SYNRG: variants seen among roughly 807,000 people sequenced by gnomAD.
SYNRG encodes the protein synergin gamma.
In SYNRG, 37 loss-of-function variants were observed where a neutral mutation model predicts 130.9. That is an observed-to-expected ratio of 0.28 (90% CI 0.22 to 0.37). The LOEUF is 0.37. Among genes scored for constraint, SYNRG ranks in the 10% least tolerant of loss-of-function variants. The pLI is 1.00. For missense variants in SYNRG, 1,338 were observed against 1,588.9 expected (o/e 0.84, Z 2.68); for synonymous variants, 539 against 568.1 (o/e 0.95, Z 0.73).
At chr17:37,524,244 G>T (rs2055539490) in intron 19 of SYNRG, among the ~76,000 whole-genome samples, 1 of 152,164 alleles carries the variant, frequency 6.6e-6, no homozygotes, top group Admixed American at 6.5e-5. Context: ...CTGAACCACT[G>T]AGGAGTTTCC....
intron 19 of SYNRG, chr17:37,529,912 T>G (rs2056439650): frequency 3.4e-6 from 5 of 1,465,392 alleles, no homozygotes; most frequent in Non-Finnish European, 4.7e-6. Flanking sequence ...TTTTCAAGTG[T>G]TAACTGCAGT....
intron 14 of SYNRG, among the ~76,000 whole-genome samples, chr17:37,549,745 C>T (rs761931564): frequency 9.9e-5 from 15 of 152,084 alleles, no homozygotes; most frequent in Non-Finnish European, 1.9e-4. Context: ...AGCCCACCAC[C>T]GTGCCCGGCT....
chr17:37,568,593 CAGTA>C, intron 11 of SYNRG, 194 bp downstream of exon 11: 1 of 515,228 alleles, frequency 1.9e-6, no homozygotes, highest in Non-Finnish European at 3.3e-6. Context: ...TTACAGGAAA[CAGTA>C]GGAGCTGAAG....
At chr17:37,600,273 C>T in intron 2 of SYNRG, 90 bp downstream of exon 2, 1 of 1,214,684 alleles carries the variant, frequency 8.2e-7, no homozygotes, top group Non-Finnish European at 1.1e-6. Context: ...TCAGCAGCAA[C>T]AGAACTTATT....
intron 2 of SYNRG, among the ~76,000 whole-genome samples, 175 bp from the exon 3 acceptor site, chr17:37,596,519 T>C (rs980628139): frequency 1.3e-5 from 2 of 152,242 alleles, no homozygotes; most frequent in Non-Finnish European, 2.9e-5. Flanking sequence ...TACTTAGCTG[T>C]GTGATCTTGA....
intron 3 of SYNRG, among the ~76,000 whole-genome samples, chr17:37,595,756 CT>C (rs950957073): frequency 1.2e-3 from 170 of 140,600 alleles, no homozygotes; most frequent in Non-Finnish European, 1.4e-3. Flanking sequence ...TTCCTCTGGC[CT>C]TTTTTTTTTT....
rs563935173 is a variant in SYNRG at position 37,607,265 on chromosome 17, T to C, written c.77+2014A>G. On this transcript the variant is annotated intron_variant, in intron 1 of 21. Coordinates refer to ENST00000612223, the MANE Select transcript of SYNRG (RefSeq NM_007247.6). The stretch of plus-strand genomic sequence containing the variant: ...TATTTATTTTAAAAATTTGTGTCCA[T>C]GGACCAATGATACTCAAATACTGCA... 2.1e-4 allele frequency among the ~76,000 whole-genome samples: 32 copies of C among 152,350 alleles called. No homozygotes were observed. The South Asian group carries it at 6.4e-3, about 31-fold the overall frequency.
intron 1 of SYNRG, among the ~76,000 whole-genome samples, chr17:37,608,435 A>G (rs890305015): frequency 9.2e-5 from 14 of 152,330 alleles, no homozygotes; most frequent in African/African-American, 3.1e-4. Context: ...ATAGAAGTGG[A>G]GTGAAAACTT....
At chr17:37,580,478 C>CGTGTGTGT (rs1341679385) in intron 6 of SYNRG, among the ~76,000 whole-genome samples, 1,427 of 121,890 alleles carry the variant, frequency 0.012, 20 homozygotes, top group South Asian at 0.039. Flanking sequence ...CTTTGTATTT[C>CGTGTGTGT]GTGTGTGTGT....
intron 8 of SYNRG, among the ~76,000 whole-genome samples, chr17:37,575,497 A>T (rs948323741): frequency 1.3e-5 from 2 of 151,950 alleles, no homozygotes; most frequent in African/African-American, 2.4e-5. Context: ...CACTTTAAGG[A>T]TTTTCTTTTC....
At chr17:37,569,016 A>T in intron 10 of SYNRG, 92 bp from the exon 11 acceptor site, 1 of 1,428,590 alleles carries the variant, frequency 7.0e-7, no homozygotes, top group Non-Finnish European at 9.5e-7. Flanking sequence ...CTGCCTTTAA[A>T]ATTTCTCAGT....
rs528229278 is a variant in SYNRG, at chr17:37,518,937, TG to T, written c.*2del. On this transcript the variant is annotated 3_prime_UTR_variant, in exon 22 of 22. Coordinates refer to ENST00000612223, the MANE Select transcript of SYNRG (RefSeq NM_007247.6). ...AAAAGTCAATGCTTCACAGAGGAGT[TG>T]TTCAGAGCAGGTCAGGCAGGACGAG... 8.0e-5 allele frequency: 128 copies of T among 1,606,380 alleles called. No homozygotes were observed. The highest frequency in any genetic ancestry group is 4.3e-4 in the Admixed American group (25 of 58,184).
rs1451421085 is a variant in SYNRG at position 37,539,103 on chromosome 17, T to C, written c.3420+89A>G. The stretch of plus-strand genomic sequence containing the variant: ...ACATCCAAGTAAGGCTCTCCTGAAG[T>C]TTGCCTCTGTCAATTCAAATGAACC... On this transcript the variant is annotated intron_variant, in intron 17 of 21. Transcript: ENST00000612223. 29 of 1,581,506 alleles carry C rather than the reference T, an allele frequency of 1.8e-5. 1 individual carries two copies. In the Admixed American group the frequency reaches 5.2e-4, roughly 29 times the overall value.
In SYNRG at chr17:37,580,296, CTT is replaced by C. The variant is rs111270719; in HGVS notation, c.590-2685_590-2684del. On this transcript the variant is annotated intron_variant, in intron 6 of 21. Transcript: ENST00000612223. ...ATGAGAAATAAAAATTACAAAAGAA[CTT>C]TTTTTTTTTTTTTTGAGATGGAATC... Among the ~76,000 whole-genome samples, 652 of 138,292 alleles carry C rather than the reference CTT, an allele frequency of 4.7e-3. 1 individual carries two copies. The highest frequency in any genetic ancestry group is 5.4e-3 in the African/African-American group (196 of 36,374). The allele number at this position is 138,292 out of a possible 152,430, so 90.7% of individuals were successfully genotyped here. A position where few individuals can be genotyped will look rare whatever the true frequency, so the allele number is the denominator to read the frequency against.
At chr17:37,595,112 G>A (rs1425002031) in intron 3 of SYNRG, among the ~76,000 whole-genome samples, 1 of 152,154 alleles carries the variant, frequency 6.6e-6, no homozygotes, top group Non-Finnish European at 1.5e-5. Context: ...AGCTTAACAT[G>A]AATTAAAAAC....
chr17:37,539,043 T>A lies in SYNRG; in HGVS notation c.3420+149A>T. The A allele has an allele frequency of 2.8e-6, 4 of 1,453,706 alleles. No individual in the cohort carries two copies. The South Asian group carries it at 5.9e-5, about 21-fold the overall frequency. 90.1% of individuals were successfully genotyped at this position (1,453,706 alleles called of 1,614,324 possible). On this transcript the variant is annotated intron_variant, in intron 17 of 21. Transcript: ENST00000612223. Reference sequence around the variant, plus strand: ...AGTGTGAAAGAAGCCTCACCTTAGATGCATGACTTCCACAGAGTTACTCTT... The same window carrying A: ...AGTGTGAAAGAAGCCTCACCTTAGAAGCATGACTTCCACAGAGTTACTCTT...
chr17:37,540,288 T>A, intron 16 of SYNRG, 92 bp downstream of exon 16: 1 of 1,454,868 alleles, frequency 6.9e-7, no homozygotes, highest in Non-Finnish European at 9.4e-7. Flanking sequence ...TGCCCCTCAT[T>A]TTCCCCATGT....
chr17:37,523,746 C>CAAGGTGGGGGGAG (rs1185330513), intron 19 of SYNRG, among the ~76,000 whole-genome samples: 2 of 152,014 alleles, frequency 1.3e-5, no homozygotes, highest in African/African-American at 4.8e-5. Context: ...CACAGTGGGT[C>CAAGGTGGGGGGAG]AAGGTGGGGG....
rs144881373 is a variant in SYNRG, at chr17:37,536,448, G to T, written c.3518-321C>A. ...GGATGGTAACAGTAGCTCCTCCAAG[G>T]ATGGTTGAGAGGATTAAATAGGGTA... On this transcript the variant is annotated intron_variant, in intron 18 of 21. Coordinates refer to ENST00000612223, the MANE Select transcript of SYNRG (RefSeq NM_007247.6). 197 of 326,916 alleles carry T rather than the reference G, an allele frequency of 6.0e-4. 1 individual carries two copies. The East Asian group carries it at 0.011, about 18-fold the overall frequency. The allele number at this position is 326,916 out of a possible 1,614,324, so 20.3% of individuals were successfully genotyped here. A position where few individuals can be genotyped will look rare whatever the true frequency, so the allele number is the denominator to read the frequency against.
Sources: gnomAD v4.1 joint callset for allele counts (sites outside exome capture counted in the v4.1 genomes callset) on GRCh38, gnomAD v4.1.1 for gene constraint, MANE v1.5 for transcripts, NCBI Gene and HGNC (gene_info 2026-07-23, HGNC 2026-07-21) for gene names.